The following SLC38A3 variants were observed in gnomAD, a reference collection of about 807,000 sequenced individuals.
The protein encoded by SLC38A3 is solute carrier family 38 member 3.
In SLC38A3, 17 loss-of-function variants were observed where a neutral mutation model predicts 59.5. The observed-to-expected ratio is 0.29, with a 90% CI of 0.20 to 0.43. The LOEUF is 0.43. Ranked by LOEUF, SLC38A3 falls within the 20% of genes least tolerant of loss-of-function variation. The probability of loss-of-function intolerance (pLI) is 1.00; values close to 1 mark genes in which losing one functional copy is unlikely to be tolerated. For missense variants in SLC38A3, 454 were observed against 653.9 expected, an observed-to-expected ratio of 0.69 and a Z score of 3.33; for synonymous variants, 238 against 260.3, an observed-to-expected ratio of 0.91 and a Z score of 0.82.
At chr3:50,213,721 A>T (rs1464220348) in intron 1 of SLC38A3, among the ~76,000 whole-genome samples, 4 of 152,120 alleles carry the variant, frequency 2.6e-5, no homozygotes, top group African/African-American at 9.7e-5. Context: ...AGTGCAGGAA[A>T]CCATCTCCCA....
chr3:50,209,129 G>A (rs1419131025), intron 1 of SLC38A3, among the ~76,000 whole-genome samples: 1 of 152,252 alleles, frequency 6.6e-6, no homozygotes, highest in Admixed American at 6.5e-5. Context: ...ACAGTCACGT[G>A]ATGTCCTGTC....
At chr3:50,213,663 C>T (rs1429645704) in intron 1 of SLC38A3, among the ~76,000 whole-genome samples, 4 of 152,244 alleles carry the variant, frequency 2.6e-5, no homozygotes, top group East Asian at 1.9e-4. Context: ...CTCCAGCCGT[C>T]GGGCAGTGCC....
At chr3:50,213,839 CG>C (rs1428293971) in intron 1 of SLC38A3, among the ~76,000 whole-genome samples, 1 of 152,202 alleles carries the variant, frequency 6.6e-6, no homozygotes, top group Non-Finnish European at 1.5e-5. Flanking sequence ...GCTCTGAACT[CG>C]GGTCATCCAG....
Position 50,217,925 on chromosome 3 carries a change from C to T in SLC38A3, c.864C>T (p.Tyr288=). 2 of 1,614,070 alleles carry T rather than the reference C, an allele frequency of 1.2e-6. No individual in the cohort carries two copies. The highest frequency in any genetic ancestry group is 1.1e-5 in the South Asian group (1 of 91,090). The part of the protein sequence containing the change: ...SYFTLNSQTA[Y]TIPIMAFAFV... The stretch of plus-strand genomic sequence containing the variant: ...GCCCCGTGTTTCCCCAGACAGCATA[C>T]ACCATCCCCATCATGGCCTTCGCCT... The change falls in exon 11 of 16, where the codon TAC becomes TAT. Residue 288 remains tyrosine (Y), a synonymous_variant. Transcript: ENST00000614032. The surrounding 1 kb of genome is among the most constrained non-coding windows in gnomAD (Gnocchi z 4.9).
intron 1 of SLC38A3, chr3:50,207,663 GT>G (rs1461597565): frequency 6.6e-6 from 1 of 152,194 alleles, no homozygotes; most frequent in East Asian, 1.9e-4. Flanking sequence ...TGTGCCCGGG[GT>G]ACACTCTTGT....
chr3:50,210,954 G>A (rs932120325), intron 1 of SLC38A3, among the ~76,000 whole-genome samples: 2 of 152,142 alleles, frequency 1.3e-5, no homozygotes, highest in African/African-American at 4.8e-5. Flanking sequence ...AAGGCTTTGG[G>A]GAGGCTCCTC....
At position 50,217,444 on chromosome 3, in the gene SLC38A3, C is replaced by G; in HGVS notation, c.661C>G (p.Leu221Val). The change falls in exon 9 of 16, where the codon CTT becomes GTT. Residue 221 changes from leucine to valine, a missense_variant. By Grantham distance (32) the Leu-to-Val change is conservative. Around this residue, in one of 3 missense-constraint regions of SLC38A3, gnomAD observed 390 missense variants for 557.9 expected, o/e 0.70. Coordinates refer to ENST00000614032, the MANE Select transcript of SLC38A3 (RefSeq NM_006841.6). This position sits in a 1 kb window ranked among gnomAD's most constrained non-coding sequence, Gnocchi z 4.9. Reference protein sequence around the residue: ...GYLGYSSGFSLSCMVFFLIAV... With the variant: ...GYLGYSSGFSVSCMVFFLIAV... ...CCTGGGCTACTCCAGCGGCTTCTCT[C>G]TTAGCTGCATGGTGTTCTTCCTAAT... 6.2e-7 allele frequency: 1 copy of G among 1,613,552 alleles called. No homozygotes were observed. Among genetic ancestry groups the G allele is most frequent in the Non-Finnish European group, 8.5e-7 (1 of 1,179,726 alleles).
chr3:50,213,217 G>A (rs1458864723), intron 1 of SLC38A3, among the ~76,000 whole-genome samples: 2 of 152,202 alleles, frequency 1.3e-5, no homozygotes, highest in Non-Finnish European at 1.5e-5. Flanking sequence ...CTCTACAGCC[G>A]GCCAAGGGCC....
intron 14 of SLC38A3, among the ~76,000 whole-genome samples, chr3:50,219,548 C>T (rs1012870800): frequency 1.3e-5 from 2 of 152,254 alleles, no homozygotes; most frequent in African/African-American, 4.8e-5. Context: ...AAGGAATCCA[C>T]TGGCTCAAAT....
At chr3:50,206,031 GGCGCTGGGTAGGGTGTAAGTTAGAGCCC>G (rs1699641856) in intron 1 of SLC38A3, among the ~76,000 whole-genome samples, 1 of 152,242 alleles carries the variant, frequency 6.6e-6, no homozygotes, top group South Asian at 2.1e-4. Context: ...CTCCCCACCT[GGCGCTGGGTAGGGTGTAAGTTAGAGCCC>G]GCGCAGCGCA....
At chr3:50,206,921 C>T (rs1699654795) in intron 1 of SLC38A3, among the ~76,000 whole-genome samples, 1 of 152,216 alleles carries the variant, frequency 6.6e-6, no homozygotes, top group South Asian at 2.1e-4. Flanking sequence ...TGTGCCACTG[C>T]CCTAGCAAGT....
At position 50,214,219 on chromosome 3, in the gene SLC38A3, C is replaced by A. The variant is rs1699780756; in HGVS notation, c.20C>A (p.Thr7Lys). Residue 7 changes from threonine (T) to lysine (K), a missense_variant, in exon 2 of 16, where the codon ACA (threonine) becomes AAA (lysine). Physicochemically the swap from Thr to Lys is moderately conservative, Grantham distance 78 (BLOSUM62 -1). Around this residue, in one of 3 missense-constraint regions of SLC38A3, gnomAD observed 390 missense variants for 557.9 expected, o/e 0.70. Transcript: ENST00000614032. This position sits in a 1 kb window ranked among gnomAD's most constrained non-coding sequence, Gnocchi z 6.0. The part of the protein sequence containing the change: MEAPLQ[T>K]EMVELVPNGK... ...TGAGCCATGGAGGCGCCTTTGCAGA[C>A]AGAGATGGTGGAGCTGGTGCCCAAT... 6.2e-7 allele frequency: 1 copy of A among 1,613,680 alleles called. No homozygotes were observed. Among genetic ancestry groups the A allele is most frequent in the Non-Finnish European group, 8.5e-7 (1 of 1,179,816 alleles).
At chr3:50,211,306 C>T (rs951309778) in intron 1 of SLC38A3, among the ~76,000 whole-genome samples, 1 of 152,172 alleles carries the variant, frequency 6.6e-6, no homozygotes, top group African/African-American at 2.4e-5. Flanking sequence ...TCACCCTGGC[C>T]CCCAGCCCCC....
intron 1 of SLC38A3, among the ~76,000 whole-genome samples, chr3:50,206,144 G>A (rs1699644864): frequency 6.6e-6 from 1 of 152,266 alleles, no homozygotes; most frequent in African/African-American, 2.4e-5. Context: ...ATTGGCCACA[G>A]CAAATGCGTG....
rs918990877 is a variant in SLC38A3, at chr3:50,215,687, G to A, written c.466+51G>A. On this transcript the variant is annotated intron_variant, in intron 6 of 15. Coordinates refer to ENST00000614032, the MANE Select transcript of SLC38A3 (RefSeq NM_006841.6). This position sits in a 1 kb window ranked among gnomAD's most constrained non-coding sequence, Gnocchi z 7.1. ...AGTAGGGAGGTGGACAGCCCTGAAAGCTGGCTGGTTGGGCTGACCTCAGCG... is the reference window on the plus strand; with the variant it reads ...AGTAGGGAGGTGGACAGCCCTGAAAACTGGCTGGTTGGGCTGACCTCAGCG... 3 of 1,611,098 alleles carry A rather than the reference G, an allele frequency of 1.9e-6. No homozygotes were observed. Among genetic ancestry groups the A allele is most frequent in the Non-Finnish European group, 1.7e-6 (2 of 1,178,154 alleles).
At position 50,215,217 on chromosome 3, in the gene SLC38A3, G is replaced by T. The variant is rs774943211; in HGVS notation, c.300-169G>T. ...GTCGCACCCTGGATCAAAGGGGGTG[G>T]TGTTCATCACCCCTGGGGCCTGCTG... is the stretch of plus-strand genomic sequence containing the variant. On this transcript the variant is annotated intron_variant, in intron 4 of 15. Coordinates refer to ENST00000614032, the MANE Select transcript of SLC38A3 (RefSeq NM_006841.6). The surrounding 1 kb of genome is among the most constrained non-coding windows in gnomAD (Gnocchi z 7.1). 4.8e-6 allele frequency: 3 copies of T among 627,870 alleles called. No individual in the cohort carries two copies. The highest frequency in any genetic ancestry group is 8.5e-6 in the Non-Finnish European group (3 of 352,416). 38.9% of individuals were successfully genotyped at this position (627,870 alleles called of 1,614,324 possible). A position where few individuals can be genotyped will look rare whatever the true frequency, so the allele number is the denominator to read the frequency against.
chr3:50,212,549 T>C (rs532035091), intron 1 of SLC38A3, among the ~76,000 whole-genome samples: 51 of 152,252 alleles, frequency 3.3e-4, no homozygotes, highest in African/African-American at 1.2e-3. Flanking sequence ...GGAGGTAAGA[T>C]GCTTGCATCA....
At chr3:50,216,635 T>A (rs1382795954) in intron 7 of SLC38A3, among the ~76,000 whole-genome samples, 2 of 152,146 alleles carry the variant, frequency 1.3e-5, no homozygotes, top group Non-Finnish European at 2.9e-5. Context: ...GGCCCAGACC[T>A]GTGTATCCTG....
rs1442737485 is a variant in SLC38A3, at chr3:50,214,516, CT to C, written c.183+34del. The C allele has an allele frequency of 3.3e-6, 5 of 1,537,586 alleles. No homozygotes were observed. Among genetic ancestry groups the C allele is most frequent in the Non-Finnish European group, 4.4e-6 (5 of 1,133,078 alleles). ...GGGCAGCAACGGGTTTTAGGGGACA[CT>C]GTGGGGAGCTTGGATGCAGTAATGA... is the stretch of plus-strand genomic sequence containing the variant. On this transcript the variant is annotated intron_variant, in intron 3 of 15. Coordinates refer to ENST00000614032, the MANE Select transcript of SLC38A3 (RefSeq NM_006841.6). This position sits in a 1 kb window ranked among gnomAD's most constrained non-coding sequence, Gnocchi z 6.0.
Sources: gnomAD v4.1 joint callset for allele counts (sites outside exome capture counted in the v4.1 genomes callset) on GRCh38, gnomAD v4.1.1 for gene constraint, gnomAD v4.1.1 regional missense constraint, Gnocchi (gnomAD v3.1) non-coding constraint, MANE v1.5 for transcripts, NCBI Gene and HGNC (gene_info 2026-07-23, HGNC 2026-07-21) for gene names.